The following NEDD4L variants were observed in gnomAD, a reference collection of about 807,000 sequenced individuals.
NEDD4L encodes the protein NEDD4 like E3 ubiquitin protein ligase.
A neutral mutation model predicts 148.9 loss-of-function variants in NEDD4L; 54 were observed. The ratio of observed to expected loss-of-function variants is 0.36; its 90% CI spans 0.29 to 0.45. The LOEUF is 0.45. NEDD4L is among the 20% of genes least tolerant of loss of function. NEDD4L has a pLI of 1.00. For missense variants in NEDD4L, 856 were observed against 1,233.8 expected (o/e 0.69, Z 4.59); for synonymous variants, 433 against 440.7 (o/e 0.98, Z 0.22).
chr18:58,082,410 A>G (rs935736031), intron 1 of NEDD4L, among the ~76,000 whole-genome samples: 3 of 150,986 alleles, frequency 2.0e-5, no homozygotes, highest in African/African-American at 7.3e-5. Flanking sequence ...TATTTTACAC[A>G]TCGAGATAGT....
At chr18:58,156,461 T>C (rs2035509633) in intron 1 of NEDD4L, among the ~76,000 whole-genome samples, 1 of 152,248 alleles carries the variant, frequency 6.6e-6, no homozygotes, top group Admixed American at 6.5e-5. Context: ...GTTACATGCA[T>C]GCATCAAGTG....
chr18:58,199,386 A>C (rs574710167), intron 2 of NEDD4L, among the ~76,000 whole-genome samples: 7 of 152,178 alleles, frequency 4.6e-5, no homozygotes, highest in Non-Finnish European at 7.4e-5. Flanking sequence ...GCTGGCAAGC[A>C]TCTAGTGTGT....
chr18:58,222,727 G>A (rs532243840), intron 2 of NEDD4L, among the ~76,000 whole-genome samples: 88 of 152,170 alleles, frequency 5.8e-4, no homozygotes, highest in Non-Finnish European at 9.4e-4. Flanking sequence ...TAAGATGGCC[G>A]GAATTCTAAA....
At chr18:58,316,322 C>A (rs1215926750) in intron 6 of NEDD4L, among the ~76,000 whole-genome samples, 1 of 152,218 alleles carries the variant, frequency 6.6e-6, no homozygotes, top group East Asian at 1.9e-4. Flanking sequence ...TCACATCTTA[C>A]AAAACAGACA....
At chr18:58,202,339 T>A (rs965602239) in intron 2 of NEDD4L, among the ~76,000 whole-genome samples, 4 of 152,380 alleles carry the variant, frequency 2.6e-5, no homozygotes, top group Non-Finnish European at 5.9e-5. Flanking sequence ...TGCCTATTAT[T>A]GGCCAGGCTG....
intron 24 of NEDD4L, 88 bp from the exon 25 acceptor site, chr18:58,383,158 T>C (rs1464779827): frequency 5.4e-6 from 4 of 737,408 alleles, no homozygotes. Flanking sequence ...ACATGTTGTC[T>C]TCCCTTTATA....
chr18:58,082,233 A>C lies in NEDD4L; in HGVS notation c.48+37525A>C, dbSNP rs1373967593. Among the ~76,000 whole-genome samples the C allele has an allele frequency of 2.7e-5, 4 of 146,410 alleles. No individual in the cohort carries two copies. The Admixed American group carries it at 2.7e-4, about 10-fold the overall frequency. ...AGCAATTCTCCTGCCTCAGCCTCCCAAGTAGCTGGGATTACAGGAGCCTGC... is the reference window on the plus strand; with the variant it reads ...AGCAATTCTCCTGCCTCAGCCTCCCCAGTAGCTGGGATTACAGGAGCCTGC... On this transcript the variant is annotated intron_variant, in intron 1 of 30. Transcript: ENST00000400345.
At chr18:58,066,480 G>A (rs1034065210) in intron 1 of NEDD4L, among the ~76,000 whole-genome samples, 13 of 143,070 alleles carry the variant, frequency 9.1e-5, no homozygotes, top group African/African-American at 3.3e-4. Flanking sequence ...CACCATGCCA[G>A]GCTAACTTTT....
intron 1 of NEDD4L, among the ~76,000 whole-genome samples, chr18:58,080,284 T>C (rs1394510757): frequency 6.6e-6 from 1 of 152,234 alleles, no homozygotes; most frequent in Non-Finnish European, 1.5e-5. Flanking sequence ...GGCTCCGGCA[T>C]ATGCACAGCA....
chr18:58,380,296 T>TTTATTTATTTA (rs1555863200), intron 24 of NEDD4L, among the ~76,000 whole-genome samples: 16 of 141,768 alleles, frequency 1.1e-4, no homozygotes, highest in African/African-American at 4.3e-4. Flanking sequence ...TTCTTTTTTA[T>TTTATTTATTTA]TTTATTTATT....
rs138337349 is a variant in NEDD4L, at chr18:58,260,476, CTTTG to C, written c.297+8426_297+8429del. Among the ~76,000 whole-genome samples the C allele has an allele frequency of 2.2e-3, 342 of 152,294 alleles. 2 individuals are homozygous for C. The highest frequency in any genetic ancestry group is 7.9e-3 in the African/African-American group (327 of 41,562). ...GTAGCACTTCACAATTTGAAGAATG[CTTTG>C]TTTATTTCACTTAATATGTATGGCT... On this transcript the variant is annotated intron_variant, in intron 5 of 30. Transcript: ENST00000400345.
In NEDD4L at chr18:58,385,532, C is replaced by T. The variant is rs2048899280; in HGVS notation, c.2433C>T (p.Val811=). The T allele has an allele frequency of 1.2e-6, 2 of 1,613,302 alleles. No individual in the cohort carries two copies. Among genetic ancestry groups the T allele is most frequent in the Non-Finnish European group, 1.7e-6 (2 of 1,179,348 alleles). ...GTCCTCTTTTCTCCTGCAGCTTAGTCATCCAGTGGAGATTTGTGAACAGGG... is the reference window on the plus strand; with the variant it reads ...GTCCTCTTTTCTCCTGCAGCTTAGTTATCCAGTGGAGATTTGTGAACAGGG... The part of the protein sequence containing the change: ...NENKREYIDL[V]IQWRFVNRVQ... Residue 811 remains valine, a synonymous_variant, in exon 26 of 31, where the codon GTC becomes GTT. Transcript: ENST00000400345.
chr18:58,362,688 T>C (rs895211140), intron 19 of NEDD4L, among the ~76,000 whole-genome samples: 3 of 152,224 alleles, frequency 2.0e-5, no homozygotes, highest in African/African-American at 7.2e-5. Flanking sequence ...TGTACTGTTA[T>C]TTTTCTGGCA....
intron 1 of NEDD4L, among the ~76,000 whole-genome samples, chr18:58,155,836 C>T (rs1339319666): frequency 6.6e-6 from 1 of 152,184 alleles, no homozygotes; most frequent in Non-Finnish European, 1.5e-5. Flanking sequence ...CTTTGGGAGT[C>T]TCTAGACATG....
chr18:58,118,839 G>A (rs1047235243), intron 1 of NEDD4L, among the ~76,000 whole-genome samples: 4 of 152,116 alleles, frequency 2.6e-5, no homozygotes, highest in Non-Finnish European at 5.9e-5. Context: ...CACACTCAGT[G>A]CTGACATTTC....
intron 8 of NEDD4L, among the ~76,000 whole-genome samples, chr18:58,324,545 C>T (rs777296270): frequency 1.3e-5 from 2 of 152,196 alleles, no homozygotes; most frequent in Admixed American, 6.5e-5. Context: ...ACAGGTGCAG[C>T]GCAGCTCATC....
intron 14 of NEDD4L, 96 bp from the exon 15 acceptor site, chr18:58,341,582 T>G: frequency 7.5e-7 from 1 of 1,342,026 alleles, no homozygotes; most frequent in Non-Finnish European, 1.0e-6. Context: ...AGACCTCTTA[T>G]TATTGCTGTT....
At chr18:58,310,467 G>A (rs2057556208) in intron 5 of NEDD4L, among the ~76,000 whole-genome samples, 1 of 152,206 alleles carries the variant, frequency 6.6e-6, no homozygotes, top group African/African-American at 2.4e-5. Context: ...CAGAGAATAT[G>A]TCATCACACT....
intron 5 of NEDD4L, chr18:58,255,377 G>C: frequency 4.0e-6 from 2 of 496,864 alleles, no homozygotes; most frequent in Non-Finnish European, 6.0e-6. Flanking sequence ...TGGCATTGGA[G>C]GGGGAGAGCG....
Sources: allele counts gnomAD v4.1 joint callset (sites outside exome capture counted in the v4.1 genomes callset), GRCh38; gene constraint gnomAD v4.1.1; transcripts MANE v1.5; gene names NCBI Gene and HGNC (gene_info 2026-07-23, HGNC 2026-07-21).